The following HELLS variants were observed in gnomAD, a reference collection of about 807,000 sequenced individuals.
HELLS encodes the protein lymphoid-specific helicase.
Under a neutral mutation model 120.0 loss-of-function variants are expected in HELLS, and 32 were observed. The ratio of observed to expected loss-of-function variants is 0.27; its 90% confidence interval spans 0.20 to 0.36. The LOEUF is 0.36. HELLS is among the 10% of genes least tolerant of loss of function. The pLI, the probability that HELLS is intolerant of heterozygous loss-of-function variation, is 1.00. For synonymous variants in HELLS, 341 were observed against 323.4 expected, an observed-to-expected ratio of 1.05 and a Z score of -0.58; for missense variants, 650 against 993.4, an observed-to-expected ratio of 0.65 and a Z score of 4.65.
chr10:94,596,885 A>G lies in HELLS; in HGVS notation c.2274A>G (p.Gly758=), dbSNP rs1242873065. The change falls in exon 20 of 22, where the codon GGA becomes GGG. Residue 758 remains glycine, a synonymous_variant. Coordinates refer to ENST00000348459, the MANE Select transcript of HELLS (RefSeq NM_018063.5). ...HKNHFKGGQS[G]LNLSKNFLDP... is the part of the protein sequence containing the mutation. ...ATCATTTCAAAGGTGGTCAGTCTGG[A>G]TTAAATCTGTCTAAGAATTTCTTAG... 9 of 1,500,836 alleles carry G rather than the reference A, an allele frequency of 6.0e-6. No individual in the cohort carries two copies. The Admixed American group carries it at 1.5e-4, about 25-fold the overall frequency. 93.0% of individuals were successfully genotyped at this position (1,500,836 alleles called of 1,614,324 possible). A position where few individuals can be genotyped will look rare whatever the true frequency, so the allele number is the denominator to read the frequency against.
downstream of HELLS, among the ~76,000 whole-genome samples, chr10:94,605,076 C>A: frequency 8.5e-6 from 1 of 117,522 alleles, no homozygotes; most frequent in East Asian, 2.7e-4. Context: ...TGTGTCTCCC[C>A]CCCCCCCCCT....
intron 8 of HELLS, 104 bp downstream of exon 8, chr10:94,574,291 T>C: frequency 1.3e-6 from 1 of 776,580 alleles, no homozygotes; most frequent in Non-Finnish European, 2.1e-6. Flanking sequence ...GTTTCACTAT[T>C]ATACATTTGT....
chr10:94,575,886 C>T (rs1844450778), intron 9 of HELLS, among the ~76,000 whole-genome samples: 1 of 151,864 alleles, frequency 6.6e-6, no homozygotes, highest in Non-Finnish European at 1.5e-5. Flanking sequence ...CAACCTCCGC[C>T]TCCCGGGTTC....
intron 17 of HELLS, among the ~76,000 whole-genome samples, chr10:94,592,761 T>C (rs533651978): frequency 6.6e-6 from 1 of 152,184 alleles, no homozygotes; most frequent in South Asian, 2.1e-4. Flanking sequence ...TGTAAGAATA[T>C]TGGGATAGCA....
intron 21 of HELLS, 136 bp from the exon 22 acceptor site, chr10:94,601,392 G>C (rs1846024611): frequency 1.4e-5 from 8 of 563,326 alleles, no homozygotes; most frequent in Non-Finnish European, 2.5e-5. Flanking sequence ...TTAAGGAAGA[G>C]AGTGCCCTGT....
intron 9 of HELLS, among the ~76,000 whole-genome samples, chr10:94,609,095 C>G (rs543655799): frequency 1.6e-5 from 2 of 128,604 alleles, no homozygotes; most frequent in South Asian, 5.3e-4. Flanking sequence ...GCGATCTTGG[C>G]TCATTGCAAC....
At chr10:94,610,321 G>A (rs1050942156) in exon 10 of HELLS, 7 of 152,004 alleles carry the variant, frequency 4.6e-5, no homozygotes, top group Admixed American at 3.3e-4. Flanking sequence ...GAGGCCGGGC[G>A]CAGTGGTGCC....
chr10:94,566,708 G>C (rs961062209), intron 6 of HELLS, among the ~76,000 whole-genome samples: 1 of 151,254 alleles, frequency 6.6e-6, no homozygotes, highest in Non-Finnish European at 1.5e-5. Context: ...GGAGTGCAGT[G>C]GTGATCTCGG....
In HELLS at chr10:94,566,700, A is replaced by G. The variant is rs1374127756; in HGVS notation, c.435+3824A>G. Reference sequence around the variant, plus strand: ...AGTTTCACTGTGTGGCCCAGGCTGGAGTGCAGTGGTGATCTCGGCTCACTG... The same window carrying G: ...AGTTTCACTGTGTGGCCCAGGCTGGGGTGCAGTGGTGATCTCGGCTCACTG... On this transcript the variant is annotated intron_variant, in intron 6 of 21. Coordinates refer to ENST00000348459, the MANE Select transcript of HELLS (RefSeq NM_018063.5). 2.7e-5 allele frequency among the ~76,000 whole-genome samples: 4 copies of G among 149,530 alleles called. No individual in the cohort carries two copies. The East Asian group carries it at 7.9e-4, about 29-fold the overall frequency.
At chr10:94,588,880 C>T (rs2134101299) in intron 13 of HELLS, among the ~76,000 whole-genome samples, 1 of 152,290 alleles carries the variant, frequency 6.6e-6, no homozygotes, top group Middle Eastern at 3.4e-3. Flanking sequence ...GGCACGGTGG[C>T]TCATGCCTGT....
intron 2 of HELLS, among the ~76,000 whole-genome samples, chr10:94,551,988 C>T (rs1178154504): frequency 1.3e-5 from 2 of 152,188 alleles, no homozygotes; most frequent in Admixed American, 6.5e-5. Context: ...ATCCGCCCGC[C>T]TCAGCCTCCC....
At chr10:94,570,963 T>C (rs1455576936) in intron 6 of HELLS, 2 of 169,014 alleles carry the variant, frequency 1.2e-5, no homozygotes, top group Admixed American at 1.3e-4. Flanking sequence ...AGACAAACCG[T>C]AAACAAGTGA....
chr10:94,599,670 A>G (rs1161826491), intron 21 of HELLS, among the ~76,000 whole-genome samples: 1 of 152,202 alleles, frequency 6.6e-6, no homozygotes, highest in Non-Finnish European at 1.5e-5. Flanking sequence ...TGGTTTGATT[A>G]TCTTCATAGG....
At chr10:94,583,921 A>G in intron 12 of HELLS, 2 of 423,644 alleles carry the variant, frequency 4.7e-6, no homozygotes, top group Non-Finnish European at 4.2e-6. Flanking sequence ...ATTTTCAACA[A>G]TATAAACAAG....
downstream of HELLS, among the ~76,000 whole-genome samples, chr10:94,604,082 T>A (rs1298668477): frequency 6.7e-6 from 1 of 150,310 alleles, no homozygotes; most frequent in Non-Finnish European, 1.5e-5. Flanking sequence ...CGCCTTGGCC[T>A]CCCAAAGTGC....
At chr10:94,568,054 C>G (rs1843924165) in intron 6 of HELLS, among the ~76,000 whole-genome samples, 1 of 151,934 alleles carries the variant, frequency 6.6e-6, no homozygotes, top group Non-Finnish European at 1.5e-5. Flanking sequence ...GGACTACAGG[C>G]ACACGTCACC....
intron 2 of HELLS, among the ~76,000 whole-genome samples, chr10:94,549,464 T>G (rs1842883949): frequency 6.6e-6 from 1 of 152,182 alleles, no homozygotes; most frequent in Non-Finnish European, 1.5e-5. Flanking sequence ...AAAGAAGTCA[T>G]TGTTAGTCTA....
At chr10:94,550,770 T>A (rs751082516) in intron 2 of HELLS, among the ~76,000 whole-genome samples, 2 of 151,984 alleles carry the variant, frequency 1.3e-5, no homozygotes, top group Non-Finnish European at 2.9e-5. Flanking sequence ...GCGCCTATAG[T>A]CCTAGCTACT....
At chr10:94,569,162 A>AT (rs1843996750) in intron 6 of HELLS, 1 of 150,128 alleles carries the variant, frequency 6.7e-6, no homozygotes, top group African/African-American at 2.5e-5. Flanking sequence ...ATTCTGGGAT[A>AT]TTTTAACAAA....
Sources: gnomAD v4.1 joint callset for allele counts (sites outside exome capture counted in the v4.1 genomes callset) on GRCh38, gnomAD v4.1.1 for gene constraint, MANE v1.5 for transcripts, NCBI Gene and HGNC (gene_info 2026-07-23, HGNC 2026-07-21) for gene names.